Variants in PRELID2 observed in about 807,000 individuals in gnomAD.
PRELID2 encodes PRELI domain-containing protein 2.
In PRELID2, 25 loss-of-function variants were observed where a neutral mutation model predicts 28.4. The observed-to-expected ratio is 0.88, with a 90% CI of 0.64 to 1.23. The LOEUF is 1.23. Among genes scored for constraint, PRELID2 ranks in the 50% most tolerant of loss-of-function variants. The pLI is 0.00. For missense variants in PRELID2, 201 were observed against 214.4 expected (o/e 0.94, Z 0.39); for synonymous variants, 76 against 71.6 (o/e 1.06, Z -0.31).
chr5:145,753,367 T>C (rs1005129117), downstream of PRELID2, among the ~76,000 whole-genome samples: 4 of 152,242 alleles, frequency 2.6e-5, no homozygotes, highest in Non-Finnish European at 4.4e-5. Flanking sequence ...CAAGGGGTTC[T>C]ATTCCAACAA....
At chr5:145,814,446 A>G (rs1453372916) in intron 4 of PRELID2, among the ~76,000 whole-genome samples, 1 of 152,142 alleles carries the variant, frequency 6.6e-6, no homozygotes, top group African/African-American at 2.4e-5. Context: ...GAGACTAAGA[A>G]AGAAAAACTA....
chr5:145,417,023 A>C, the PRELID2 span, among the ~76,000 whole-genome samples: 60,398 of 151,820 alleles, frequency 0.4, 12,534 homozygotes, highest in Admixed American at 0.48. Flanking sequence ...TAGACACATA[A>C]AGAAGAAGAG....
intron 1 of PRELID2, among the ~76,000 whole-genome samples, chr5:145,567,901 G>A (rs557935006): frequency 7.9e-5 from 12 of 152,216 alleles, no homozygotes; most frequent in African/African-American, 2.6e-4. Context: ...CTAATACACC[G>A]ATAAATCTGA....
the PRELID2 span, among the ~76,000 whole-genome samples, chr5:145,282,444 A>AT: frequency 1.3e-5 from 2 of 151,810 alleles, no homozygotes; most frequent in African/African-American, 4.8e-5. Context: ...CTTTTGTCTG[A>AT]TTTTCTCTGT....
chr5:145,674,468 A>C (rs1754774155), intron 1 of PRELID2, among the ~76,000 whole-genome samples: 1 of 152,198 alleles, frequency 6.6e-6, no homozygotes, highest in Admixed American at 6.5e-5. Flanking sequence ...GCATTTAATA[A>C]CTGAAAAGTG....
chr5:145,593,419 C>T (rs191624232), intron 1 of PRELID2, among the ~76,000 whole-genome samples: 344 of 152,206 alleles, frequency 2.3e-3, no homozygotes, highest in African/African-American at 7.8e-3. Context: ...CAAGAAGACC[C>T]AAGAGTTAAT....
intron 1 of PRELID2, among the ~76,000 whole-genome samples, chr5:145,595,660 T>C (rs1199858622): frequency 6.6e-6 from 1 of 152,140 alleles, no homozygotes; most frequent in Non-Finnish European, 1.5e-5. Context: ...CTCTCAGGTT[T>C]TTCAAGTTAA....
intron 1 of PRELID2, among the ~76,000 whole-genome samples, chr5:145,652,047 A>G (rs528873485): frequency 4.6e-4 from 70 of 152,354 alleles, no homozygotes; most frequent in Non-Finnish European, 7.9e-4. Context: ...ACCAGTGTAG[A>G]GAAGTCCTTA....
chr5:145,370,322 T>C, the PRELID2 span, among the ~76,000 whole-genome samples: 24 of 150,988 alleles, frequency 1.6e-4, no homozygotes, highest in Non-Finnish European at 7.4e-5. Context: ...GGTCTAGTTG[T>C]TTATTTTTTT....
intron 4 of PRELID2, among the ~76,000 whole-genome samples, chr5:145,806,257 C>T (rs1753499843): frequency 6.6e-6 from 1 of 152,056 alleles, no homozygotes; most frequent in African/African-American, 2.4e-5. Flanking sequence ...CATAACTGTA[C>T]AAAAATATTG....
intron 1 of PRELID2, among the ~76,000 whole-genome samples, chr5:145,583,912 AG>A: frequency 6.6e-6 from 1 of 152,024 alleles, no homozygotes; most frequent in South Asian, 2.1e-4. Context: ...CTACCATTGC[AG>A]TCATCACGGA....
chr5:145,444,288 G>C, the PRELID2 span, among the ~76,000 whole-genome samples: 1 of 152,030 alleles, frequency 6.6e-6, no homozygotes, highest in South Asian at 2.1e-4. Context: ...CCCCTGAACA[G>C]TGAACCCTGG....
chr5:145,713,616 AG>A (rs1476035295), intron 1 of PRELID2, among the ~76,000 whole-genome samples: 1 of 130,856 alleles, frequency 7.6e-6, no homozygotes, highest in African/African-American at 3.0e-5. Context: ...AAATATATAT[AG>A]TAAATATATA....
At chr5:145,470,175 T>G (rs1424793372), downstream of PRELID2, among the ~76,000 whole-genome samples, 1 of 152,120 alleles carries the variant, frequency 6.6e-6, no homozygotes. Flanking sequence ...GGCCAGATAG[T>G]AAATATTTTA....
intron 1 of PRELID2, among the ~76,000 whole-genome samples, chr5:145,824,414 C>T (rs1755030468): frequency 8.9e-6 from 1 of 112,864 alleles, no homozygotes; most frequent in Non-Finnish European, 2.1e-5. Context: ...TGGGTCTCCA[C>T]CCACAGCAGG....
the PRELID2 span, among the ~76,000 whole-genome samples, chr5:145,463,943 G>C: frequency 2.0e-5 from 3 of 152,296 alleles, no homozygotes; most frequent in South Asian, 4.1e-4. Context: ...ATTCTAACTT[G>C]TTCTGATCAA....
chr5:145,263,074 G>C, the PRELID2 span, among the ~76,000 whole-genome samples: 1 of 151,770 alleles, frequency 6.6e-6, no homozygotes, highest in African/African-American at 2.4e-5. Context: ...TTTAACAGCA[G>C]TTAAAAAAGA....
chr5:145,341,628 T>C, the PRELID2 span, among the ~76,000 whole-genome samples: 1 of 151,808 alleles, frequency 6.6e-6, no homozygotes, highest in South Asian at 2.1e-4. Flanking sequence ...AAAAAATAAA[T>C]TTAAAGTCTT....
At chr5:145,324,735 C>T in the PRELID2 span, among the ~76,000 whole-genome samples, 1 of 152,148 alleles carries the variant, frequency 6.6e-6, no homozygotes, top group African/African-American at 2.4e-5. Context: ...TTAATTTATT[C>T]AATCCCAAAT....
Sources: gnomAD v4.1 joint callset for allele counts (sites outside exome capture counted in the v4.1 genomes callset) on GRCh38, gnomAD v4.1.1 for gene constraint, MANE v1.5 for transcripts, NCBI Gene and HGNC (gene_info 2026-07-23, HGNC 2026-07-21) for gene names.